CATSPERB: variants seen among roughly 807,000 people sequenced by gnomAD.
CATSPERB encodes the protein cation channel sperm-associated auxiliary subunit beta.
CATSPERB carries 93 observed loss-of-function variants against 128.3 expected under a neutral mutation model. The ratio of observed to expected loss-of-function variants is 0.72; its 90% CI spans 0.61 to 0.86. The LOEUF is 0.86. CATSPERB is among the 40% of genes least tolerant of loss of function. CATSPERB has a pLI of 0.00. For missense variants in CATSPERB, 1,153 were observed against 1,329.5 expected, an observed-to-expected ratio of 0.87 and a Z score of 2.06; for synonymous variants, 381 against 448.8, an observed-to-expected ratio of 0.85 and a Z score of 1.91.
intron 16 of CATSPERB, among the ~76,000 whole-genome samples, chr14:91,638,056 A>G (rs1259207627): frequency 6.6e-6 from 1 of 152,164 alleles, no homozygotes; most frequent in African/African-American, 2.4e-5. Context: ...GGGAAGATAA[A>G]CACCATCCTC....
intron 5 of CATSPERB, chr14:91,710,048 A>C (rs1895811930): frequency 6.5e-6 from 1 of 154,804 alleles, no homozygotes; most frequent in African/African-American, 2.4e-5. Flanking sequence ...CTGTGTGAAT[A>C]GTATTAGCTG....
At chr14:91,641,015 T>C (rs1894487755) in intron 15 of CATSPERB, among the ~76,000 whole-genome samples, 1 of 142,972 alleles carries the variant, frequency 7.0e-6, no homozygotes. Context: ...CATGTGTTTT[T>C]TGGCTGCATA....
chr14:91,722,921 A>G (rs1246230225), intron 4 of CATSPERB, 128 bp downstream of exon 4: 1 of 602,188 alleles, frequency 1.7e-6, no homozygotes. Flanking sequence ...GTGTAACACT[A>G]TCAGTGGGCT....
intron 7 of CATSPERB, among the ~76,000 whole-genome samples, chr14:91,703,546 C>A (rs766155643): frequency 6.6e-6 from 1 of 152,178 alleles, no homozygotes; most frequent in Non-Finnish European, 1.5e-5. Flanking sequence ...AAGCTTAGAG[C>A]CTTCAGCCCC....
intron 17 of CATSPERB, among the ~76,000 whole-genome samples, chr14:91,634,487 A>G (rs1176631252): frequency 6.6e-6 from 1 of 151,944 alleles, no homozygotes; most frequent in Non-Finnish European, 1.5e-5. Context: ...GAGATTTACC[A>G]TTAGATCCAG....
intron 5 of CATSPERB, chr14:91,709,682 T>TC: frequency 1.0e-5 from 1 of 98,480 alleles, no homozygotes; most frequent in Non-Finnish European, 1.9e-5. Flanking sequence ...AGAGCGAGAC[T>TC]CCATCTCAAA....
chr14:91,706,145 G>A (rs572914490), intron 6 of CATSPERB, among the ~76,000 whole-genome samples: 1 of 152,256 alleles, frequency 6.6e-6, no homozygotes, highest in Non-Finnish European at 1.5e-5. Flanking sequence ...AAGACTTTAT[G>A]TGATATTTTT....
At chr14:91,718,304 T>C (rs1031133350) in intron 5 of CATSPERB, among the ~76,000 whole-genome samples, 1 of 152,220 alleles carries the variant, frequency 6.6e-6, no homozygotes, top group Non-Finnish European at 1.5e-5. Flanking sequence ...CTATGCCAGA[T>C]GTTATGGCAC....
At chr14:91,703,110 G>A (rs927225729) in intron 7 of CATSPERB, among the ~76,000 whole-genome samples, 2 of 151,734 alleles carry the variant, frequency 1.3e-5, no homozygotes, top group African/African-American at 2.4e-5. Flanking sequence ...TATTATCTAC[G>A]AGTAATAAAA....
At chr14:91,598,219 T>G (rs1893543007) in intron 22 of CATSPERB, among the ~76,000 whole-genome samples, 1 of 151,830 alleles carries the variant, frequency 6.6e-6, no homozygotes. Flanking sequence ...TTTTACATCT[T>G]TTTTTATTCC....
chr14:91,605,323 A>G, intron 22 of CATSPERB: 1 of 763,114 alleles, frequency 1.3e-6, no homozygotes, highest in East Asian at 2.4e-5. Flanking sequence ...CACTCATGTT[A>G]TTATTGGGGA....
intron 21 of CATSPERB, among the ~76,000 whole-genome samples, chr14:91,609,302 C>T (rs1893775550): frequency 6.6e-6 from 1 of 151,942 alleles, no homozygotes. Context: ...TACAGTATTA[C>T]ACGATGAAAA....
At chr14:91,597,202 T>C (rs568914165) in intron 22 of CATSPERB, among the ~76,000 whole-genome samples, 30 of 152,290 alleles carry the variant, frequency 2.0e-4, no homozygotes, top group African/African-American at 6.3e-4. Flanking sequence ...AAAGATATAA[T>C]TTATAATTTG....
At position 91,723,654 on chromosome 14, in the gene CATSPERB, T is replaced by C. The variant is rs1896069855; in HGVS notation, c.169-465A>G. 2.0e-5 allele frequency among the ~76,000 whole-genome samples: 3 copies of C among 152,296 alleles called. No individual in the cohort carries two copies. The South Asian group carries it at 6.2e-4, about 32-fold the overall frequency. ...TACCAAGAGCTTTATTTCAATTAAT[T>C]CTCCTAGTACTTAAGATCGCTTTGG... On this transcript the variant is annotated intron_variant, in intron 3 of 26. Coordinates refer to ENST00000256343, the MANE Select transcript of CATSPERB (RefSeq NM_024764.4).
rs138471325 is a variant in CATSPERB at position 91,695,830 on chromosome 14, C to T, written c.617-2351G>A. 2.0e-5 allele frequency among the ~76,000 whole-genome samples: 3 copies of T among 152,238 alleles called. No individual in the cohort carries two copies. In the South Asian group the frequency reaches 6.2e-4, roughly 32 times the overall value. On this transcript the variant is annotated intron_variant, in intron 7 of 26. Coordinates refer to ENST00000256343, the MANE Select transcript of CATSPERB (RefSeq NM_024764.4). The stretch of plus-strand genomic sequence containing the variant: ...GTCTAATAAAAAATGTTGACTTGAC[C>T]TAAGATTTTAGCAGAGAAGTGAGGT...
intron 19 of CATSPERB, among the ~76,000 whole-genome samples, chr14:91,619,150 A>C (rs937340970): frequency 1.3e-5 from 2 of 152,228 alleles, no homozygotes; most frequent in Admixed American, 6.5e-5. Context: ...ACAATGGAAC[A>C]GATCCTAAAA....
chr14:91,700,974 G>T (rs1023387961), intron 7 of CATSPERB, among the ~76,000 whole-genome samples: 1 of 152,056 alleles, frequency 6.6e-6, no homozygotes, highest in African/African-American at 2.4e-5. Context: ...TAAAATAAAA[G>T]TTGCAATTAT....
At chr14:91,620,419 C>G (rs1894021454) in intron 19 of CATSPERB, among the ~76,000 whole-genome samples, 1 of 152,056 alleles carries the variant, frequency 6.6e-6, no homozygotes, top group African/African-American at 2.4e-5. Flanking sequence ...TAGCTAATTT[C>G]TTTGGTTTGA....
In CATSPERB at chr14:91,591,876, T is replaced by A; in HGVS notation, c.2820+16A>T. 1 of 1,546,738 alleles carries A rather than the reference T, an allele frequency of 6.5e-7. No individual in the cohort carries two copies. Among genetic ancestry groups the A allele is most frequent in the Admixed American group, 1.7e-5 (1 of 59,734 alleles). ...AAGAAAGTATCCTGTATTCAGGTAA[T>A]TAGAAATGATCTTACTTTTTCCCTG... On this transcript the variant is annotated intron_variant, in intron 23 of 26. Transcript: ENST00000256343.
Sources: allele counts gnomAD v4.1 joint callset (sites outside exome capture counted in the v4.1 genomes callset), GRCh38; gene constraint gnomAD v4.1.1; transcripts MANE v1.5; gene names NCBI Gene and HGNC (gene_info 2026-07-23, HGNC 2026-07-21).